Variants in MECR observed in about 807,000 individuals in gnomAD.
The protein encoded by MECR is mitochondrial trans-2-enoyl-CoA reductase.
MECR carries 37 observed loss-of-function variants against 49.1 expected under a neutral mutation model. The ratio of observed to expected loss-of-function variants is 0.75; its 90% CI spans 0.58 to 0.99. MECR has a LOEUF of 0.99. MECR is among the 50% of genes least tolerant of loss of function. The pLI is 0.00. For missense variants in MECR, 470 were observed against 479.6 expected (o/e 0.98, Z 0.19); for synonymous variants, 198 against 191.1 (o/e 1.04, Z -0.30).
intron 1 of MECR, among the ~76,000 whole-genome samples, chr1:29,217,291 G>C (rs1474621919): frequency 1.4e-5 from 2 of 146,128 alleles, no homozygotes; most frequent in Admixed American, 1.4e-4. Flanking sequence ...CTCACTAAAA[G>C]CTCCGCCTCC....
At chr1:29,182,569 A>C in the MECR span, among the ~76,000 whole-genome samples, 1 of 151,026 alleles carries the variant, frequency 6.6e-6, no homozygotes, top group Non-Finnish European at 1.5e-5. Context: ...TTTTGAGACG[A>C]GTTTCGCTCG....
chr1:29,217,127 CAAAAAAAAAAAA>C (rs1195549293), intron 1 of MECR, among the ~76,000 whole-genome samples: 75 of 47,292 alleles, frequency 1.6e-3, no homozygotes, highest in Admixed American at 2.4e-3. Flanking sequence ...GACTTTGTCT[CAAAAAAAAAAAA>C]AAAAAAAAAA....
chr1:29,175,626 C>T, the MECR span, among the ~76,000 whole-genome samples: 1 of 119,340 alleles, frequency 8.4e-6, no homozygotes, highest in South Asian at 3.0e-4. Context: ...ACCCAGGAGG[C>T]GGAGCTTGCA....
chr1:29,172,657 C>A, the MECR span: 2 of 152,136 alleles, frequency 1.3e-5, no homozygotes, highest in Admixed American at 6.5e-5. Flanking sequence ...TCATACACTG[C>A]GGGTGTTAAG....
rs1438073686 is a variant in MECR at position 29,216,153 on chromosome 1, T to C, written c.275-17A>G. The C allele has an allele frequency of 1.2e-6, 2 of 1,613,148 alleles. No individual in the cohort carries two copies. Among genetic ancestry groups the C allele is most frequent in the Middle Eastern group, 1.7e-4 (1 of 6,054 alleles). On this transcript the variant is annotated splice_polypyrimidine_tract_variant and intron_variant, in intron 2 of 9. Transcript: ENST00000263702. ...CGTAGTTTCCTGAGGGAGAAGAGCA[T>C]TAAAGGGTCAACCAGTGATGTTTGG... is the stretch of plus-strand genomic sequence containing the variant.
At chr1:29,172,205 T>TA in the MECR span, 3 of 152,230 alleles carry the variant, frequency 2.0e-5, no homozygotes, top group Admixed American at 6.5e-5. Flanking sequence ...AATGACAGAA[T>TA]GCTACTTAAT....
At chr1:29,213,424 T>C (rs1037567808) in intron 3 of MECR, among the ~76,000 whole-genome samples, 1 of 152,068 alleles carries the variant, frequency 6.6e-6, no homozygotes, top group Non-Finnish European at 1.5e-5. Context: ...CTGCCTAGTA[T>C]CTTTTTCTCT....
the MECR span, among the ~76,000 whole-genome samples, chr1:29,175,721 AAAT>A: frequency 6.6e-6 from 1 of 150,510 alleles, no homozygotes; most frequent in Middle Eastern, 3.2e-3. Flanking sequence ...AAAAAAAAAA[AAAT>A]TTCCAATTAT....
rs557397941 is a variant in MECR, at chr1:29,202,181, A to G, written c.654-136T>C. 8 of 711,250 alleles carry G rather than the reference A, an allele frequency of 1.1e-5. No individual in the cohort carries two copies. In the African/African-American group the frequency reaches 1.2e-4, roughly 11 times the overall value. The allele number at this position is 711,250 out of a possible 1,614,324, so 44.1% of individuals were successfully genotyped here. On this transcript the variant is annotated intron_variant, in intron 5 of 9. Transcript: ENST00000263702. ...TGGGATTAGGTTTAAGCCAGGCTTGAGCAGGGACCAGCCACCTAATTTCAT... is the reference window on the plus strand; with the variant it reads ...TGGGATTAGGTTTAAGCCAGGCTTGGGCAGGGACCAGCCACCTAATTTCAT...
At chr1:29,227,841 C>A (rs6674306) in intron 1 of MECR, among the ~76,000 whole-genome samples, 2 of 152,148 alleles carry the variant, frequency 1.3e-5, no homozygotes, top group Admixed American at 1.3e-4. Context: ...TGGCTTCAGT[C>A]CATACGAGAA....
the MECR span, among the ~76,000 whole-genome samples, chr1:29,174,525 T>C: frequency 6.6e-6 from 1 of 151,966 alleles, no homozygotes; most frequent in Admixed American, 6.6e-5. Context: ...AACCAGGTTG[T>C]AGGAGAATAC....
intron 3 of MECR, among the ~76,000 whole-genome samples, chr1:29,212,160 T>C (rs1204920323): frequency 6.6e-6 from 1 of 152,238 alleles, no homozygotes; most frequent in Non-Finnish European, 1.5e-5. Context: ...GCTCAATGCC[T>C]GTAATCCCAA....
downstream of MECR, among the ~76,000 whole-genome samples, chr1:29,189,646 TTGAC>T (rs1249401938): frequency 2.0e-5 from 3 of 152,214 alleles, no homozygotes; most frequent in Admixed American, 1.3e-4. Flanking sequence ...TGGTTGGTCT[TTGAC>T]ATTTAGTGGA....
At chr1:29,222,861 C>A (rs188970738) in intron 1 of MECR, among the ~76,000 whole-genome samples, 1 of 152,188 alleles carries the variant, frequency 6.6e-6, no homozygotes, top group Non-Finnish European at 1.5e-5. Context: ...CCAGCCTTGG[C>A]CTGCCCCAGG....
chr1:29,179,614 G>A, the MECR span, among the ~76,000 whole-genome samples: 2 of 152,154 alleles, frequency 1.3e-5, no homozygotes, highest in African/African-American at 4.8e-5. Context: ...TGGGATTGCA[G>A]GCACAAGTCA....
At chr1:29,227,214 C>T (rs1322650525) in intron 1 of MECR, among the ~76,000 whole-genome samples, 8 of 152,198 alleles carry the variant, frequency 5.3e-5, no homozygotes, top group Middle Eastern at 3.4e-3. Context: ...CCGCCCGCCT[C>T]GGCCTCCCAA....
Position 29,206,868 on chromosome 1 carries a change from T to C in MECR, c.444A>G (p.Ala148=), listed in dbSNP as rs183621778. The part of the protein sequence containing the change: ...WRTEAVFSEE[A]LIQVPSDIPL... Reference sequence around the variant, plus strand: ...GGATGTCACTCGGAACTTGGATCAGTGCTTCCTCGCTGAACACAGCCTCGG... The same window carrying C: ...GGATGTCACTCGGAACTTGGATCAGCGCTTCCTCGCTGAACACAGCCTCGG... The change falls in exon 4 of 10, where the codon GCA becomes GCG. Residue 148 remains alanine, a synonymous_variant. Coordinates refer to ENST00000263702, the MANE Select transcript of MECR (RefSeq NM_016011.5). 6.2e-7 allele frequency: 1 copy of C among 1,614,162 alleles called. No homozygotes were observed. Among genetic ancestry groups the C allele is most frequent in the Non-Finnish European group, 8.5e-7 (1 of 1,180,016 alleles).
At chr1:29,198,096 T>C (rs1674432090) in intron 7 of MECR, among the ~76,000 whole-genome samples, 1 of 152,110 alleles carries the variant, frequency 6.6e-6, no homozygotes, top group Non-Finnish European at 1.5e-5. Flanking sequence ...GGGACCTAGA[T>C]CCCTTCCCTG....
At chr1:29,194,591 A>C (rs890280792) in intron 9 of MECR, among the ~76,000 whole-genome samples, 2 of 152,148 alleles carry the variant, frequency 1.3e-5, no homozygotes, top group Admixed American at 6.5e-5. Context: ...GATGTGGAAC[A>C]GTTGAGCTCT....
Sources: gnomAD v4.1 joint callset for allele counts (sites outside exome capture counted in the v4.1 genomes callset) on GRCh38, gnomAD v4.1.1 for gene constraint, MANE v1.5 for transcripts, NCBI Gene and HGNC (gene_info 2026-07-23, HGNC 2026-07-21) for gene names.